CEBPZOS: variants seen among roughly 807,000 people sequenced by gnomAD.
The protein encoded by CEBPZOS is CEBPZ opposite strand, also known as protein CEBPZOS.
Under a neutral mutation model 4.8 loss-of-function variants are expected in CEBPZOS, and 10 were observed. The ratio of observed to expected loss-of-function variants is 2.07; its 90% CI spans 1.28 to 3.52. The LOEUF (loss-of-function observed/expected upper bound fraction) is 3.52. CEBPZOS is among the 30% of genes most tolerant of loss of function. The probability of loss-of-function intolerance (pLI) is 0.00; values close to 1 mark genes in which losing one functional copy is unlikely to be tolerated. For missense variants in CEBPZOS, 98 were observed against 43.6 expected (o/e 2.25, Z -3.51); for synonymous variants, 25 against 14.2 (o/e 1.77, Z -1.72).
Position 37,203,143 on chromosome 2 carries a change from A to G in CEBPZOS, c.*1283A>G. On this transcript the variant is annotated 3_prime_UTR_variant, in exon 5 of 5. Coordinates refer to ENST00000402297, the MANE Select transcript of CEBPZOS (RefSeq NM_001322374.2). ...CAATAATCTTCTGGCACCATTGGGT[A>G]GCTGGCATTTAAATATAATTTAAGA... The G allele has an allele frequency of 1.8e-6, 1 of 546,088 alleles. No homozygotes were observed. The highest frequency in any genetic ancestry group is 3.2e-6 in the Non-Finnish European group (1 of 317,186). The allele number at this position is 546,088 out of a possible 1,614,324, so 33.8% of individuals were successfully genotyped here.
Position 37,199,814 on chromosome 2 carries a change from G to A in CEBPZOS, c.110G>A (p.Ser37Asn). The A allele has an allele frequency of 1.4e-6, 1 of 717,600 alleles. No individual in the cohort carries two copies. Among genetic ancestry groups the A allele is most frequent in the South Asian group, 1.5e-5 (1 of 67,582 alleles). 44.5% of individuals were successfully genotyped at this position (717,600 alleles called of 1,614,324 possible). ...TTTTTGTTTAGCAAGATGCACACAAGCCAAGGTAATCATAATTCAGAAGTT... is the reference window on the plus strand; with the variant it reads ...TTTTTGTTTAGCAAGATGCACACAAACCAAGGTAATCATAATTCAGAAGTT... ...AYFLFSKMHT[S>N]QDFRQTMSKK... is the part of the protein sequence containing the mutation. The change falls in exon 2 of 5, where the codon AGC (serine) becomes AAC (asparagine). Residue 37 changes from serine to asparagine, a missense_variant. Ser to Asn is a conservative substitution (Grantham distance 46). Coordinates refer to ENST00000402297, the MANE Select transcript of CEBPZOS (RefSeq NM_001322374.2).
intron 1 of CEBPZOS, 89 bp from the exon 2 acceptor site, chr2:37,199,614 CT>C: frequency 3.0e-6 from 2 of 657,264 alleles, no homozygotes; most frequent in South Asian, 3.5e-5. Flanking sequence ...GCCATTCAAA[CT>C]GTGGGAATGA....
At position 37,202,564 on chromosome 2, in the gene CEBPZOS, G is replaced by T. The variant is rs1677306403; in HGVS notation, c.*704G>T. On this transcript the variant is annotated 3_prime_UTR_variant, in exon 5 of 5. Coordinates refer to ENST00000402297, the MANE Select transcript of CEBPZOS (RefSeq NM_001322374.2). ...GGAGGCTAAGGTAGGAGAATTACTTGAACATGGGAGATGGAGGTTGCAGTG... is the reference window on the plus strand; with the variant it reads ...GGAGGCTAAGGTAGGAGAATTACTTTAACATGGGAGATGGAGGTTGCAGTG... The T allele has an allele frequency of 8.2e-6, 3 of 365,272 alleles. No homozygotes were observed. In the East Asian group the frequency reaches 1.4e-4, roughly 16 times the overall value. 22.6% of individuals were successfully genotyped at this position (365,272 alleles called of 1,614,324 possible).
intron 2 of CEBPZOS, among the ~76,000 whole-genome samples, chr2:37,200,501 A>G (rs979449726): frequency 1.3e-5 from 2 of 152,136 alleles, no homozygotes; most frequent in African/African-American, 4.8e-5. Flanking sequence ...AAAACATCCC[A>G]ACAGTATTTA....
At chr2:37,211,091 C>G in intron 4 of CEBPZOS, 1 of 1,593,708 alleles carries the variant, frequency 6.3e-7, no homozygotes, top group Non-Finnish European at 8.5e-7. Context: ...TTCTGTTACA[C>G]GAAAAAATTT....
At chr2:37,211,902 A>C (rs764979950) in intron 4 of CEBPZOS, 3 of 1,612,548 alleles carry the variant, frequency 1.9e-6, no homozygotes, top group Non-Finnish European at 1.7e-6. Context: ...ATCTTCATCA[A>C]CTTCAGCAAA....
intron 4 of CEBPZOS, chr2:37,211,343 A>G (rs574146978): frequency 1.7e-5 from 5 of 301,558 alleles, no homozygotes; most frequent in Admixed American, 9.8e-5. Context: ...AAAACCCCTT[A>G]AAACAAGAAA....
At chr2:37,216,047 T>A, downstream of CEBPZOS, 2 of 977,950 alleles carry the variant, frequency 2.0e-6, no homozygotes, top group South Asian at 3.4e-5. Context: ...GCTCAGGTTT[T>A]ATTCTGATAA....
Position 37,201,062 on chromosome 2 carries a change from A to C in CEBPZOS, c.130A>C (p.Met44Leu), listed in dbSNP as rs1160109023. The C allele has an allele frequency of 1.4e-6, 1 of 716,508 alleles. No homozygotes were observed. Among genetic ancestry groups the C allele is most frequent in the Non-Finnish European group, 2.6e-6 (1 of 384,802 alleles). 44.4% of individuals were successfully genotyped at this position (716,508 alleles called of 1,614,324 possible). A position where few individuals can be genotyped will look rare whatever the true frequency, so the allele number is the denominator to read the frequency against. The change falls in exon 3 of 5, where the codon ATG (methionine) becomes CTG (leucine). Residue 44 changes from methionine to leucine, a missense_variant. Coordinates refer to ENST00000402297, the MANE Select transcript of CEBPZOS (RefSeq NM_001322374.2). Reference sequence around the variant, plus strand: ...TTTTCCATCAGATTTCAGGCAAACAATGAGCAAGAAATATCCCTTCATCTT... The same window carrying C: ...TTTTCCATCAGATTTCAGGCAAACACTGAGCAAGAAATATCCCTTCATCTT... ...MHTSQDFRQT[M>L]SKKYPFILEV...
chr2:37,210,349 T>C (rs759242497), intron 4 of CEBPZOS: 4 of 152,096 alleles, frequency 2.6e-5, no homozygotes, highest in African/African-American at 9.7e-5. Context: ...CAATCTGCAA[T>C]TGCAAAAATA....
Position 37,201,946 on chromosome 2 carries a change from G to C in CEBPZOS, c.*86G>C. 12 of 1,568,478 alleles carry C rather than the reference G, an allele frequency of 7.7e-6. No individual in the cohort carries two copies. The highest frequency in any genetic ancestry group is 1.0e-5 in the Non-Finnish European group (12 of 1,155,386). ...AAGATGAGTGTACTACCACACTGTAGACTCTTGGTGGTCCCACAGAACATG... is the reference window on the plus strand; with the variant it reads ...AAGATGAGTGTACTACCACACTGTACACTCTTGGTGGTCCCACAGAACATG... On this transcript the variant is annotated 3_prime_UTR_variant, in exon 5 of 5. Coordinates refer to ENST00000402297, the MANE Select transcript of CEBPZOS (RefSeq NM_001322374.2).
In CEBPZOS at chr2:37,202,692, A is replaced by G. The variant is rs1356094801; in HGVS notation, c.*832A>G. The G allele has an allele frequency of 5.5e-5, 10 of 181,986 alleles. No homozygotes were observed. Among genetic ancestry groups the G allele is most frequent in the Admixed American group, 2.1e-4 (2 of 9,624 alleles). 11.3% of individuals were successfully genotyped at this position (181,986 alleles called of 1,614,324 possible). A position where few individuals can be genotyped will look rare whatever the true frequency, so the allele number is the denominator to read the frequency against. On this transcript the variant is annotated 3_prime_UTR_variant, in exon 5 of 5. Coordinates refer to ENST00000402297, the MANE Select transcript of CEBPZOS (RefSeq NM_001322374.2). ...AAAAAAAAAAAAAAAAAAAAAAAAA[A>G]GAATAAATAAAATAACGAAAATTTC... is the stretch of plus-strand genomic sequence containing the variant.
chr2:37,199,858 A>G, intron 2 of CEBPZOS, 39 bp downstream of exon 2: 1 of 703,376 alleles, frequency 1.4e-6, no homozygotes, highest in Non-Finnish European at 2.7e-6. Flanking sequence ...CTAAAGGGGT[A>G]TAGTTTTGCT....
At chr2:37,196,851 C>T (rs552295085) in intron 1 of CEBPZOS, among the ~76,000 whole-genome samples, 3 of 152,264 alleles carry the variant, frequency 2.0e-5, no homozygotes, top group Admixed American at 2.0e-4. Context: ...CGGCAGGAGC[C>T]GGGAGCCGGG....
In CEBPZOS at chr2:37,199,834, G is replaced by C. The variant is rs768697859; in HGVS notation, c.115+15G>C. 2.8e-6 allele frequency: 2 copies of C among 716,722 alleles called. No homozygotes were observed. Among genetic ancestry groups the C allele is most frequent in the South Asian group, 3.0e-5 (2 of 67,492 alleles). 44.4% of individuals were successfully genotyped at this position (716,722 alleles called of 1,614,324 possible). ...CACAAGCCAAGGTAATCATAATTCA[G>C]AAGTTAATGCTTTCTAAAGGGGTAT... is the stretch of plus-strand genomic sequence containing the variant. On this transcript the variant is annotated intron_variant, in intron 2 of 4. Transcript: ENST00000402297.
intron 1 of CEBPZOS, chr2:37,198,392 T>G (rs1677052343): frequency 6.6e-6 from 1 of 152,190 alleles, no homozygotes; most frequent in Admixed American, 6.5e-5. Context: ...GATCACATTA[T>G]TAAAATGAGG....
chr2:37,207,029 A>G (rs986885385), downstream of CEBPZOS, among the ~76,000 whole-genome samples: 1 of 152,230 alleles, frequency 6.6e-6, no homozygotes, highest in African/African-American at 2.4e-5. Flanking sequence ...AACAGACTTT[A>G]AAGCAACAAC....
chr2:37,213,900 C>G, downstream of CEBPZOS: 6 of 1,602,894 alleles, frequency 3.7e-6, no homozygotes, highest in Non-Finnish European at 5.1e-6. Context: ...TCCACGTCTT[C>G]TATACTTTCT....
chr2:37,205,522 T>C (rs1677506464), downstream of CEBPZOS, among the ~76,000 whole-genome samples: 1 of 152,184 alleles, frequency 6.6e-6, no homozygotes, highest in East Asian at 1.9e-4. Context: ...CCCACCCCTA[T>C]CTCCCTTCAC....
Sources: allele counts gnomAD v4.1 joint callset (sites outside exome capture counted in the v4.1 genomes callset), GRCh38; gene constraint gnomAD v4.1.1; transcripts MANE v1.5; gene names NCBI Gene and HGNC (gene_info 2026-07-23, HGNC 2026-07-21).